The following MRPL4 variants were observed in gnomAD, a reference collection of about 807,000 sequenced individuals.
The protein encoded by MRPL4 is large ribosomal subunit protein uL4m.
Under a neutral mutation model 34.1 loss-of-function variants are expected in MRPL4, and 34 were observed. The ratio of observed to expected loss-of-function variants is 1.00; its 90% CI spans 0.76 to 1.33. The LOEUF (loss-of-function observed/expected upper bound fraction) is 1.33, where lower values mean the gene tolerates loss of function less well. Ranked by LOEUF, MRPL4 falls within the 40% of genes most tolerant of loss-of-function variation. The probability of loss-of-function intolerance (pLI) is 0.00; values close to 1 mark genes in which losing one functional copy is unlikely to be tolerated. For missense variants in MRPL4, 402 were observed against 434.6 expected (o/e 0.92, Z 0.67); for synonymous variants, 196 against 188.3 (o/e 1.04, Z -0.33).
chr19:10,257,370 C>G (rs1329152226), intron 5 of MRPL4, among the ~76,000 whole-genome samples: 2 of 152,100 alleles, frequency 1.3e-5, no homozygotes, highest in Non-Finnish European at 2.9e-5. Context: ...GTGCCAGCCA[C>G]CCCATCACCT....
At chr19:10,258,070 C>T (rs1324429711) in intron 5 of MRPL4, 152 bp from the exon 6 acceptor site, 5 of 609,978 alleles carry the variant, frequency 8.2e-6, no homozygotes, top group East Asian at 5.5e-5. Context: ...CCCATGTTGT[C>T]CCTGATCCAG....
intron 5 of MRPL4, 34 bp downstream of exon 5, chr19:10,256,859 T>TGGGGGGGGGGGGGTGGGGGG: frequency 2.8e-5 from 2 of 72,676 alleles, no homozygotes; most frequent in Non-Finnish European, 5.0e-5. Context: ...CGGGGAGGGG[T>TGGGGGGGGGGGGGTGGGGGG]GGGGGGGCCA....
intron 8 of MRPL4, chr19:10,258,887 G>GT: frequency 6.8e-7 from 1 of 1,476,750 alleles, no homozygotes; most frequent in Non-Finnish European, 8.9e-7. Context: ...TGTAATCCCA[G>GT]TACTTTGGGA....
In MRPL4 at chr19:10,259,149, G is replaced by A. The variant is rs548175878; in HGVS notation, c.739+464G>A. The A allele has an allele frequency of 3.9e-3, 1,342 of 347,770 alleles. 34 individuals carry two copies. The South Asian group carries it at 0.063, about 16-fold the overall frequency. 21.5% of individuals were successfully genotyped at this position (347,770 alleles called of 1,614,324 possible). On this transcript the variant is annotated intron_variant, in intron 8 of 8. Coordinates refer to ENST00000253099, the MANE Select transcript of MRPL4 (RefSeq NM_015956.3). ...AAGCTCCAAAGTCACCTCTGTCAAA[G>A]CCACAGTCTGTTCCTTCCACAGCCA... is the stretch of plus-strand genomic sequence containing the variant.
intron 5 of MRPL4, 115 bp from the exon 6 acceptor site, chr19:10,258,107 C>T (rs1024892080): frequency 2.8e-6 from 2 of 708,860 alleles, no homozygotes; most frequent in Admixed American, 4.9e-5. Context: ...ACCCTCTCTG[C>T]CTTGTTCCTG....
intron 3 of MRPL4, 32 bp from the exon 4 acceptor site, chr19:10,254,557 T>C (rs560721495): frequency 8.9e-5 from 144 of 1,611,676 alleles, no homozygotes; most frequent in Admixed American, 7.8e-4. Context: ...TGAAGCAGAG[T>C]TGGGCTTCTC....
At chr19:10,256,446 C>CA (rs796638158) in intron 4 of MRPL4, among the ~76,000 whole-genome samples, 94 of 146,726 alleles carry the variant, frequency 6.4e-4, no homozygotes, top group Middle Eastern at 7.0e-3. Flanking sequence ...GAGACTGCCT[C>CA]AAAAAAAAAA....
rs890125076 is a variant in MRPL4 at position 10,252,857 on chromosome 19, C to T, written c.275+156C>T. The stretch of plus-strand genomic sequence containing the variant: ...CAAAGGGGAATGATGACAGTTTCCC[C>T]TGCTGTAGCGCTGTGTGAGATTGAA... On this transcript the variant is annotated intron_variant, in intron 3 of 8. Coordinates refer to ENST00000253099, the MANE Select transcript of MRPL4 (RefSeq NM_015956.3). The T allele has an allele frequency of 5.4e-6, 6 of 1,109,196 alleles. No homozygotes were observed. The African/African-American group carries it at 7.9e-5, about 15-fold the overall frequency. The allele number at this position is 1,109,196 out of a possible 1,614,324, so 68.7% of individuals were successfully genotyped here. A position where few individuals can be genotyped will look rare whatever the true frequency, so the allele number is the denominator to read the frequency against.
intron 4 of MRPL4, chr19:10,255,468 G>A (rs566443075): frequency 6.5e-6 from 1 of 152,838 alleles, no homozygotes; most frequent in East Asian, 1.9e-4. Context: ...TGGGTCTACT[G>A]TAGAAGCTAA....
chr19:10,255,792 C>G (rs1055868911), intron 4 of MRPL4: 25 of 152,512 alleles, frequency 1.6e-4, no homozygotes, highest in African/African-American at 6.0e-4. Flanking sequence ...TTTCCTGATT[C>G]TCCCTGTCTG....
chr19:10,257,096 C>T (rs1200721469), intron 5 of MRPL4, among the ~76,000 whole-genome samples: 2 of 152,158 alleles, frequency 1.3e-5, no homozygotes, highest in Middle Eastern at 3.4e-3. Flanking sequence ...TTGACCCCAC[C>T]TCCTGTCACC....
Position 10,258,638 on chromosome 19 carries a change from T to G in MRPL4, c.692T>G (p.Val231Gly). Residue 231 changes from valine to glycine, a missense_variant, in exon 8 of 9, where the codon GTG becomes GGG. Physicochemically the swap from Val to Gly is moderately radical, Grantham distance 109. Coordinates refer to ENST00000253099, the MANE Select transcript of MRPL4 (RefSeq NM_015956.3). ...CACGAGGAGATGCCACAGAGCATCGTGGAGGCCACCTCTAGGCTTAAGACC... is the reference window on the plus strand; with the variant it reads ...CACGAGGAGATGCCACAGAGCATCGGGGAGGCCACCTCTAGGCTTAAGACC... ...LTHEEMPQSI[V>G]EATSRLKTFN... is the part of the protein sequence containing the mutation. The G allele has an allele frequency of 6.2e-7, 1 of 1,614,192 alleles. No homozygotes were observed.
rs376479531 is a variant in MRPL4 at position 10,258,313 on chromosome 19, C to T, written c.537C>T (p.Thr179=). Residue 179 remains threonine (T), a synonymous_variant, in exon 6 of 9, where the codon ACC becomes ACT. Transcript: ENST00000253099. ...VRALGLKVAL[T]VKLAQDDLHI... ...CGCTGGGTCTCAAAGTGGCACTGAC[C>T]GTCAAGCTGGCCCAGGTACAGCCAT... is the stretch of plus-strand genomic sequence containing the variant. 22 of 1,613,972 alleles carry T rather than the reference C, an allele frequency of 1.4e-5. No homozygotes were observed. The highest frequency in any genetic ancestry group is 2.2e-5 in the East Asian group (1 of 44,892).
At chr19:10,252,137 G>C, upstream of MRPL4, 2 of 1,314,826 alleles carry the variant, frequency 1.5e-6, no homozygotes, top group Non-Finnish European at 2.0e-6. Flanking sequence ...TGCACACCCC[G>C]CTTTCCAGCG....
Position 10,254,584 on chromosome 19 carries a change from C to T in MRPL4, c.276-5C>T, listed in dbSNP as rs768381779. The T allele has an allele frequency of 1.5e-4, 237 of 1,613,294 alleles. No individual in the cohort carries two copies. The highest frequency in any genetic ancestry group is 2.0e-4 in the Non-Finnish European group (233 of 1,179,592). Reference sequence around the variant, plus strand: ...GGGCTTCTCATGTGTCCTTCCTCCCCGCAGGCTGGACATACTGCACCAGGT... The same window carrying T: ...GGGCTTCTCATGTGTCCTTCCTCCCTGCAGGCTGGACATACTGCACCAGGT... On this transcript the variant is annotated splice_region_variant and splice_polypyrimidine_tract_variant and intron_variant, in intron 3 of 8. Coordinates refer to ENST00000253099, the MANE Select transcript of MRPL4 (RefSeq NM_015956.3).
At position 10,259,772 on chromosome 19, in the gene MRPL4, C is replaced by T; in HGVS notation, c.895C>T (p.His299Tyr). The change falls in exon 9 of 9, where the codon CAC (histidine) becomes TAC (tyrosine). Residue 299 changes from histidine to tyrosine, a missense_variant. Coordinates refer to ENST00000253099, the MANE Select transcript of MRPL4 (RefSeq NM_015956.3). ...CAGCGACTTCCCCCGACCCCTACCC[C>T]ACGCTACCCAGGGCCCAGCGGCCAC... ...PYSDFPRPLP[H>Y]ATQGPAATPY... The T allele has an allele frequency of 3.1e-6, 5 of 1,613,922 alleles. No homozygotes were observed. The highest frequency in any genetic ancestry group is 1.3e-5 in the African/African-American group (1 of 75,020).
At chr19:10,253,382 G>A (rs34253394) in intron 3 of MRPL4, among the ~76,000 whole-genome samples, 2 of 150,274 alleles carry the variant, frequency 1.3e-5, no homozygotes, top group Non-Finnish European at 2.9e-5. Flanking sequence ...TGGAGGCTGA[G>A]GCAAGAGAAT....
chr19:10,258,100 C>T (rs928574714), intron 5 of MRPL4, 122 bp from the exon 6 acceptor site: 4 of 672,682 alleles, frequency 5.9e-6, no homozygotes, highest in African/African-American at 3.6e-5. Context: ...AGGCCCCACC[C>T]TCTCTGCCTT....
Position 10,258,340 on chromosome 19 carries a change from G to C in MRPL4, c.552+12G>C. ...TCAAGCTGGCCCAGGTACAGCCATG[G>C]GGGGGCCCAGACAGCTGCTAGAGGT... On this transcript the variant is annotated intron_variant, in intron 6 of 8. Coordinates refer to ENST00000253099, the MANE Select transcript of MRPL4 (RefSeq NM_015956.3). 1 of 1,613,942 alleles carries C rather than the reference G, an allele frequency of 6.2e-7. No individual in the cohort carries two copies. The highest frequency in any genetic ancestry group is 8.5e-7 in the Non-Finnish European group (1 of 1,179,946).
Sources: gnomAD v4.1 joint callset for allele counts (sites outside exome capture counted in the v4.1 genomes callset) on GRCh38, gnomAD v4.1.1 for gene constraint, MANE v1.5 for transcripts, NCBI Gene and HGNC (gene_info 2026-07-23, HGNC 2026-07-21) for gene names.